Variants in MECOM observed in about 807,000 individuals in gnomAD.
MECOM encodes the protein MDS1 and EVI1 complex locus, also known as histone-lysine N-methyltransferase MECOM.
A neutral mutation model predicts 116.3 loss-of-function variants in MECOM; 13 were observed. That is an observed-to-expected ratio of 0.11 (90% CI 0.07 to 0.18). The LOEUF (loss-of-function observed/expected upper bound fraction) is 0.18, where lower values mean the gene tolerates loss of function less well. Among genes scored for constraint, MECOM ranks in the 10% least tolerant of loss-of-function variants. MECOM has a pLI of 1.00. For missense variants in MECOM, 1,299 were observed against 1,509.0 expected, an observed-to-expected ratio of 0.86 and a Z score of 2.31; for synonymous variants, 528 against 535.2, an observed-to-expected ratio of 0.99 and a Z score of 0.19.
intron 2 of MECOM, among the ~76,000 whole-genome samples, chr3:169,244,984 CA>C (rs557611897): frequency 2.0e-5 from 3 of 151,892 alleles, no homozygotes. Flanking sequence ...CAAACAACAG[CA>C]AAAAAACGAA....
At chr3:169,278,442 G>A (rs1477957619) in intron 2 of MECOM, among the ~76,000 whole-genome samples, 1 of 152,214 alleles carries the variant, frequency 6.6e-6, no homozygotes, top group East Asian at 1.9e-4. Context: ...AGTGAATGCA[G>A]TAAACCAAAT....
At chr3:169,306,336 T>C (rs568692084) in intron 2 of MECOM, among the ~76,000 whole-genome samples, 2 of 152,236 alleles carry the variant, frequency 1.3e-5, no homozygotes, top group South Asian at 4.1e-4. Flanking sequence ...ATTCAGCAGA[T>C]GAAAAATGAA....
chr3:169,579,297 C>A (rs1243034600), intron 1 of MECOM, among the ~76,000 whole-genome samples: 3 of 152,064 alleles, frequency 2.0e-5, no homozygotes, highest in Non-Finnish European at 4.4e-5. Flanking sequence ...AATGAAGTAG[C>A]GTTGAATTTA....
chr3:169,355,527 C>G (rs1233309585), intron 2 of MECOM, among the ~76,000 whole-genome samples: 1 of 151,872 alleles, frequency 6.6e-6, no homozygotes, highest in African/African-American at 2.4e-5. Context: ...TAAAAAACAA[C>G]CAATTATTGC....
At chr3:169,515,171 C>T (rs1282978523) in intron 1 of MECOM, among the ~76,000 whole-genome samples, 1 of 152,118 alleles carries the variant, frequency 6.6e-6, no homozygotes, top group Non-Finnish European at 1.5e-5. Context: ...TCCTGTGGTC[C>T]TGCTTGCAGG....
Position 169,143,838 on chromosome 3 carries a change from G to A in MECOM, c.376-6C>T, listed in dbSNP as rs1738881562. The A allele has an allele frequency of 1.3e-6, 2 of 1,596,400 alleles. No individual in the cohort carries two copies. The highest frequency in any genetic ancestry group is 1.3e-5 in the African/African-American group (1 of 74,266). ...TTGTAAAATTCGTCTAAGATCTGGA[G>A]GGAAGAAGATGAGAACAATCAATTG... On this transcript the variant is annotated splice_region_variant and splice_polypyrimidine_tract_variant and intron_variant, in intron 2 of 16. Coordinates refer to ENST00000651503, the MANE Select transcript of MECOM (RefSeq NM_004991.4).
At chr3:169,463,863 T>G (rs1747847619) in intron 1 of MECOM, 1 of 152,198 alleles carries the variant, frequency 6.6e-6, no homozygotes, top group Non-Finnish European at 1.5e-5. Context: ...CTATCATATT[T>G]TTATCAAATA....
chr3:169,613,481 C>T (rs1035879944), intron 1 of MECOM: 1 of 152,218 alleles, frequency 6.6e-6, no homozygotes, highest in African/African-American at 2.4e-5. Context: ...AATGCTCCTG[C>T]TGCATACAAG....
intron 1 of MECOM, among the ~76,000 whole-genome samples, chr3:169,521,286 G>C (rs902072455): frequency 1.3e-5 from 2 of 152,150 alleles, no homozygotes; most frequent in African/African-American, 4.8e-5. Context: ...CCTGCACTTT[G>C]AGCTTACCAA....
intron 2 of MECOM, among the ~76,000 whole-genome samples, chr3:169,265,824 C>A (rs1248398309): frequency 1.3e-5 from 2 of 152,194 alleles, no homozygotes; most frequent in Non-Finnish European, 2.9e-5. Flanking sequence ...TCGCTAGGAC[C>A]TCTGTCCCTT....
intron 2 of MECOM, among the ~76,000 whole-genome samples, chr3:169,276,815 C>T (rs1047997588): frequency 3.9e-5 from 6 of 152,202 alleles, no homozygotes; most frequent in African/African-American, 1.4e-4. Flanking sequence ...ATTAACCAAA[C>T]TAAATGTAAT....
intron 2 of MECOM, among the ~76,000 whole-genome samples, chr3:169,159,870 T>C (rs571018053): frequency 1.1e-4 from 16 of 152,144 alleles, no homozygotes; most frequent in Non-Finnish European, 2.4e-4. Flanking sequence ...ATGAGTATAA[T>C]GATAAAAAGT....
chr3:169,489,693 A>T (rs1199188453), intron 1 of MECOM, among the ~76,000 whole-genome samples: 1 of 152,208 alleles, frequency 6.6e-6, no homozygotes, highest in East Asian at 1.9e-4. Flanking sequence ...TAGGCGTAGA[A>T]AAAAGGATAA....
chr3:169,444,277 C>T (rs1002584802), intron 1 of MECOM, among the ~76,000 whole-genome samples: 1 of 152,126 alleles, frequency 6.6e-6, no homozygotes, highest in African/African-American at 2.4e-5. Flanking sequence ...TAGACACTCC[C>T]CATCAAATTT....
intron 1 of MECOM, among the ~76,000 whole-genome samples, chr3:169,385,443 A>G (rs1457388293): frequency 2.6e-5 from 4 of 152,196 alleles, no homozygotes; most frequent in Non-Finnish European, 4.4e-5. Context: ...AAGTGCAGGC[A>G]ATTTGTTTTG....
chr3:169,225,409 A>G (rs1752614115), intron 2 of MECOM, among the ~76,000 whole-genome samples: 1 of 152,154 alleles, frequency 6.6e-6, no homozygotes, highest in African/African-American at 2.4e-5. Context: ...AAGGAGAGTC[A>G]GGATGATTAT....
At chr3:169,318,554 A>C (rs886847233) in intron 2 of MECOM, among the ~76,000 whole-genome samples, 3 of 152,226 alleles carry the variant, frequency 2.0e-5, no homozygotes, top group Non-Finnish European at 4.4e-5. Flanking sequence ...AATGTAAATC[A>C]AAACCACAAT....
In MECOM at chr3:169,557,991, T is replaced by G. The variant is rs180756419; in HGVS notation, c.37+105345A>C. Among the ~76,000 whole-genome samples the G allele has an allele frequency of 3.4e-3, 511 of 152,366 alleles. 1 individual carries two copies. The highest frequency in any genetic ancestry group is 3.8e-3 in the Non-Finnish European group (256 of 68,040). On this transcript the variant is annotated intron_variant, in intron 1 of 16. Coordinates refer to ENST00000651503, the MANE Select transcript of MECOM (RefSeq NM_004991.4). ...AAGCTAGTGAAATGAAGTCATAAGC[T>G]GGTCATACAAATACATATTTTTCAA...
At chr3:169,233,760 A>G (rs1371993642) in intron 2 of MECOM, among the ~76,000 whole-genome samples, 1 of 152,096 alleles carries the variant, frequency 6.6e-6, no homozygotes, top group African/African-American at 2.4e-5. Flanking sequence ...ATACTACTAA[A>G]ATTATTACTG....
Sources: allele counts gnomAD v4.1 joint callset (sites outside exome capture counted in the v4.1 genomes callset), GRCh38; gene constraint gnomAD v4.1.1; transcripts MANE v1.5; gene names NCBI Gene and HGNC (gene_info 2026-07-23, HGNC 2026-07-21).